The following RAB6B variants were observed in gnomAD, a reference collection of about 807,000 sequenced individuals.
The protein encoded by RAB6B is ras-related protein Rab-6B.
A neutral mutation model predicts 31.2 loss-of-function variants in RAB6B; 7 were observed. That is an observed-to-expected ratio of 0.22 (90% CI 0.13 to 0.42). The LOEUF is 0.42. RAB6B is among the 10% of genes least tolerant of loss of function. The pLI is 1.00. For synonymous variants in RAB6B, 105 were observed against 104.9 expected (o/e 1.00, Z -0.01); for missense variants, 149 against 280.6 (o/e 0.53, Z 3.35).
chr3:133,880,782 C>G (rs541522527), intron 1 of RAB6B, among the ~76,000 whole-genome samples: 1 of 152,326 alleles, frequency 6.6e-6, no homozygotes, highest in African/African-American at 2.4e-5. Context: ...GAGGGGAGCA[C>G]AAGGGGCAGA....
In RAB6B at chr3:133,827,663, G is replaced by A; in HGVS notation, c.*1125C>T. The A allele has an allele frequency of 1.8e-6, 1 of 554,374 alleles. No homozygotes were observed. Among genetic ancestry groups the A allele is most frequent in the Non-Finnish European group, 3.2e-6 (1 of 312,488 alleles). The allele number at this position is 554,374 out of a possible 1,614,324, so 34.3% of individuals were successfully genotyped here. On this transcript the variant is annotated 3_prime_UTR_variant, in exon 8 of 8. Coordinates refer to ENST00000285208, the MANE Select transcript of RAB6B (RefSeq NM_016577.4). ...GGGGTGAAAACATAGCAACAAATCA[G>A]CTTTTCCAGAAAGCACTCAACAATA...
intron 2 of RAB6B, among the ~76,000 whole-genome samples, chr3:133,854,853 C>T (rs1936052387): frequency 6.6e-6 from 1 of 152,202 alleles, no homozygotes; most frequent in Non-Finnish European, 1.5e-5. Flanking sequence ...GTCTTCTTTG[C>T]TATGTGCATT....
At chr3:133,888,492 G>A (rs1936585637) in intron 1 of RAB6B, among the ~76,000 whole-genome samples, 1 of 152,224 alleles carries the variant, frequency 6.6e-6, no homozygotes, top group East Asian at 1.9e-4. Context: ...TGCCTCCTCA[G>A]GACTTGGGCC....
At chr3:133,861,758 T>C (rs560149554) in intron 2 of RAB6B, among the ~76,000 whole-genome samples, 66 of 152,102 alleles carry the variant, frequency 4.3e-4, no homozygotes, top group Non-Finnish European at 7.8e-4. Flanking sequence ...AAGTGTGGGA[T>C]GGAAAGAGGG....
At chr3:133,852,016 G>A (rs1935991274) in intron 2 of RAB6B, among the ~76,000 whole-genome samples, 1 of 118,104 alleles carries the variant, frequency 8.5e-6, no homozygotes, top group Non-Finnish European at 1.9e-5. Context: ...GAGCCACAAA[G>A]TTAGATCTAC....
chr3:133,874,821 A>T (rs563902667), intron 1 of RAB6B, among the ~76,000 whole-genome samples: 10 of 151,644 alleles, frequency 6.6e-5, no homozygotes, highest in Admixed American at 2.0e-4. Context: ...TTTACCTTTT[A>T]AACTTTTTTT....
chr3:133,829,882 T>C lies in RAB6B; in HGVS notation c.563-1030A>G, dbSNP rs532989094. Among the ~76,000 whole-genome samples, 18 of 152,332 alleles carry C rather than the reference T, an allele frequency of 1.2e-4. No homozygotes were observed. The South Asian group carries it at 3.7e-3, about 32-fold the overall frequency. On this transcript the variant is annotated intron_variant, in intron 7 of 7. Coordinates refer to ENST00000285208, the MANE Select transcript of RAB6B (RefSeq NM_016577.4). ...TACATTTTGAGTATGACTTTATCTC[T>C]GACTTTTCTTTGCTTTTCCTACCTT...
At chr3:133,884,128 T>G (rs1437587315) in intron 1 of RAB6B, among the ~76,000 whole-genome samples, 2 of 152,256 alleles carry the variant, frequency 1.3e-5, no homozygotes, top group Non-Finnish European at 2.9e-5. Flanking sequence ...TCATTGATGC[T>G]GCAAAATTAG....
chr3:133,856,008 T>C (rs912564836), intron 2 of RAB6B, among the ~76,000 whole-genome samples: 1 of 151,974 alleles, frequency 6.6e-6, no homozygotes, highest in South Asian at 2.1e-4. Flanking sequence ...GTGGATGTGA[T>C]GTCTGGAGCA....
chr3:133,865,763 G>C (rs1487597976), intron 1 of RAB6B, among the ~76,000 whole-genome samples: 2 of 152,248 alleles, frequency 1.3e-5, no homozygotes, highest in Non-Finnish European at 2.9e-5. Context: ...ACTCCCTGGA[G>C]GGAGCAGGAC....
At position 133,827,050 on chromosome 3, in the gene RAB6B, T is replaced by G. The variant is rs1485970615; in HGVS notation, c.*1738A>C. On this transcript the variant is annotated 3_prime_UTR_variant, in exon 8 of 8. Transcript: ENST00000285208. ...CAGTGGGATCCTGCTTCCTCTCTTC[T>G]TCACCTGAAGATAAATTCCTTGCTA... 6.5e-6 allele frequency: 1 copy of G among 152,696 alleles called. No homozygotes were observed. The highest frequency in any genetic ancestry group is 2.4e-5 in the African/African-American group (1 of 41,460). 9.5% of individuals were successfully genotyped at this position (152,696 alleles called of 1,614,324 possible).
intron 2 of RAB6B, among the ~76,000 whole-genome samples, chr3:133,843,893 C>T (rs1445071222): frequency 6.6e-6 from 1 of 152,156 alleles, no homozygotes; most frequent in Non-Finnish European, 1.5e-5. Context: ...AGGCTGACTC[C>T]CTGACCCTGA....
intron 7 of RAB6B, among the ~76,000 whole-genome samples, chr3:133,832,204 T>G (rs1257814998): frequency 2.0e-5 from 3 of 151,974 alleles, no homozygotes; most frequent in Non-Finnish European, 4.4e-5. Context: ...GGGTAGAAAG[T>G]GGGGGTTGGG....
intron 1 of RAB6B, among the ~76,000 whole-genome samples, chr3:133,884,672 A>G (rs552979195): frequency 1.1e-4 from 17 of 152,268 alleles, no homozygotes; most frequent in East Asian, 5.8e-4. Context: ...CATATAACTA[A>G]TGACCAGAGG....
At chr3:133,875,106 T>C (rs1198306558) in intron 1 of RAB6B, among the ~76,000 whole-genome samples, 1 of 152,234 alleles carries the variant, frequency 6.6e-6, no homozygotes, top group Non-Finnish European at 1.5e-5. Context: ...TAGGCAATAC[T>C]AGACAACAGG....
intron 1 of RAB6B, among the ~76,000 whole-genome samples, chr3:133,880,785 G>A (rs1424864358): frequency 6.6e-6 from 1 of 152,240 alleles, no homozygotes; most frequent in Non-Finnish European, 1.5e-5. Context: ...GGGAGCACAA[G>A]GGGCAGAGTG....
chr3:133,849,857 T>C (rs944013923), intron 2 of RAB6B, among the ~76,000 whole-genome samples: 3 of 152,200 alleles, frequency 2.0e-5, no homozygotes, highest in African/African-American at 7.2e-5. Flanking sequence ...AAGGACAGAA[T>C]AGAAACAAGA....
intron 5 of RAB6B, among the ~76,000 whole-genome samples, chr3:133,838,649 T>C (rs920475851): frequency 6.6e-6 from 1 of 152,182 alleles, no homozygotes; most frequent in African/African-American, 2.4e-5. Flanking sequence ...AGAACACTAA[T>C]GCTAAAAGTG....
At position 133,825,821 on chromosome 3, in the gene RAB6B, G is replaced by C. The variant is rs1266975459; in HGVS notation, c.*2967C>G. The stretch of plus-strand genomic sequence containing the variant: ...TCTGCCAGGTCACGTCTAGTCTTTG[G>C]GGAGAGGGACTGAATTGCTCAATTG... On this transcript the variant is annotated 3_prime_UTR_variant, in exon 8 of 8. Transcript: ENST00000285208. 1.3e-5 allele frequency: 2 copies of C among 152,220 alleles called. No homozygotes were observed. The highest frequency in any genetic ancestry group is 3.8e-4 in the East Asian group (2 of 5,198). 9.4% of individuals were successfully genotyped at this position (152,220 alleles called of 1,614,324 possible).
Sources: allele counts gnomAD v4.1 joint callset (sites outside exome capture counted in the v4.1 genomes callset), GRCh38; gene constraint gnomAD v4.1.1; transcripts MANE v1.5; gene names NCBI Gene and HGNC (gene_info 2026-07-23, HGNC 2026-07-21).